CTXND1: variants seen among roughly 807,000 people sequenced by gnomAD.
CTXND1 encodes the protein cortexin domain-containing 1 protein.
At chr15:80,240,485 T>C (rs753785714) in intron 1 of CTXND1, among the ~76,000 whole-genome samples, 3 of 152,112 alleles carry the variant, frequency 2.0e-5, no homozygotes, top group Non-Finnish European at 4.4e-5. Context: ...CATGCTTGAC[T>C]TACTGTTGTG....
chr15:80,199,739 A>C lies in CTXND1; in HGVS notation c.*2031T>G, dbSNP rs1007455454. ...AGGGATGACAACTGGATAGCCCCTG[A>C]AATGCTGCCTGAAGAGCTGTGGCCT... On this transcript the variant is annotated 3_prime_UTR_variant, in exon 3 of 3. Transcript: ENST00000560778. 1.3e-5 allele frequency: 2 copies of C among 152,306 alleles called. No individual in the cohort carries two copies. Among genetic ancestry groups the C allele is most frequent in the Non-Finnish European group, 2.9e-5 (2 of 68,124 alleles). 9.4% of individuals were successfully genotyped at this position (152,306 alleles called of 1,614,324 possible). A position where few individuals can be genotyped will look rare whatever the true frequency, so the allele number is the denominator to read the frequency against.
intron 1 of CTXND1, among the ~76,000 whole-genome samples, chr15:80,222,693 T>C (rs1023718883): frequency 2.0e-5 from 3 of 152,216 alleles, no homozygotes; most frequent in Middle Eastern, 3.2e-3. Flanking sequence ...TTCTTGTTTT[T>C]CTTACAGTTT....
In CTXND1 at chr15:80,201,313, G is replaced by C. The variant is rs2041447754; in HGVS notation, c.*457C>G. The C allele has an allele frequency of 6.5e-6, 1 of 153,368 alleles. No individual in the cohort carries two copies. Among genetic ancestry groups the C allele is most frequent in the African/African-American group, 2.4e-5 (1 of 41,508 alleles). 9.5% of individuals were successfully genotyped at this position (153,368 alleles called of 1,614,324 possible). ...CCACACCACTGCTAGTCCATGGGGA[G>C]GGGGCTGGGGTTCAGGTGGGACCTC... On this transcript the variant is annotated 3_prime_UTR_variant, in exon 3 of 3. Coordinates refer to ENST00000560778, the MANE Select transcript of CTXND1 (RefSeq NM_001352888.2).
At chr15:80,245,755 G>T (rs370948398) in intron 1 of CTXND1, among the ~76,000 whole-genome samples, 1 of 152,048 alleles carries the variant, frequency 6.6e-6, no homozygotes, top group African/African-American at 2.4e-5. Flanking sequence ...CCCTCTCCCT[G>T]TGAAATGCCA....
intron 1 of CTXND1, among the ~76,000 whole-genome samples, chr15:80,248,063 T>C (rs774740204): frequency 6.6e-6 from 1 of 152,222 alleles, no homozygotes; most frequent in African/African-American, 2.4e-5. Flanking sequence ...CTACTCTCAA[T>C]GGAGAGGATG....
chr15:80,212,188 C>T (rs1307740936), intron 1 of CTXND1, among the ~76,000 whole-genome samples: 1 of 152,158 alleles, frequency 6.6e-6, no homozygotes, highest in East Asian at 1.9e-4. Context: ...AAATTGCACC[C>T]TTGCTGGGCT....
At chr15:80,208,788 A>G (rs1026417767) in intron 1 of CTXND1, among the ~76,000 whole-genome samples, 1 of 152,148 alleles carries the variant, frequency 6.6e-6, no homozygotes, top group Non-Finnish European at 1.5e-5. Flanking sequence ...ACTGAAGTGT[A>G]GGGGGAGGAG....
rs535590855 is a variant in CTXND1, at chr15:80,199,112, G to A, written c.*2658C>T. On this transcript the variant is annotated 3_prime_UTR_variant, in exon 3 of 3. Coordinates refer to ENST00000560778, the MANE Select transcript of CTXND1 (RefSeq NM_001352888.2). ...CCTTCCTGAAATGCTACTATTTCCT[G>A]TTGCCATCAAACAAGAGTCAAGAGA... The A allele has an allele frequency of 3.9e-5, 6 of 152,268 alleles. No homozygotes were observed. The highest frequency in any genetic ancestry group is 9.6e-5 in the African/African-American group (4 of 41,546). The allele number at this position is 152,268 out of a possible 1,614,324, so 9.4% of individuals were successfully genotyped here. A position where few individuals can be genotyped will look rare whatever the true frequency, so the allele number is the denominator to read the frequency against.
intron 1 of CTXND1, among the ~76,000 whole-genome samples, chr15:80,246,027 T>C (rs917648966): frequency 2.0e-5 from 3 of 152,242 alleles, no homozygotes; most frequent in Non-Finnish European, 2.9e-5. Flanking sequence ...TCTGAGATCA[T>C]AGGTAGTTTT....
intron 1 of CTXND1, among the ~76,000 whole-genome samples, chr15:80,228,973 A>G (rs1490903798): frequency 6.6e-6 from 1 of 152,176 alleles, no homozygotes; most frequent in Non-Finnish European, 1.5e-5. Flanking sequence ...CTCAAAGAAA[A>G]GGCTCATTGG....
At chr15:80,209,195 A>G (rs1167971736) in intron 1 of CTXND1, among the ~76,000 whole-genome samples, 1 of 152,220 alleles carries the variant, frequency 6.6e-6, no homozygotes, top group African/African-American at 2.4e-5. Context: ...GAATGCCAAG[A>G]ATGTGGACTC....
intron 1 of CTXND1, among the ~76,000 whole-genome samples, chr15:80,220,268 A>G (rs1311295792): frequency 6.6e-6 from 1 of 152,012 alleles, no homozygotes; most frequent in Non-Finnish European, 1.5e-5. Context: ...GGGGGTTTAT[A>G]TTTATGTCTC....
intron 1 of CTXND1, among the ~76,000 whole-genome samples, chr15:80,245,023 C>G (rs1163142606): frequency 1.3e-5 from 2 of 152,134 alleles, no homozygotes; most frequent in Non-Finnish European, 2.9e-5. Context: ...TTGGACTTCT[C>G]ATGGGTAAAA....
At chr15:80,208,209 G>C (rs894522769) in intron 1 of CTXND1, among the ~76,000 whole-genome samples, 1 of 152,200 alleles carries the variant, frequency 6.6e-6, no homozygotes, top group African/African-American at 2.4e-5. Context: ...AACAGCCATG[G>C]TATATCTGTG....
At chr15:80,247,665 A>C (rs1469253567) in intron 1 of CTXND1, among the ~76,000 whole-genome samples, 1 of 152,124 alleles carries the variant, frequency 6.6e-6, no homozygotes, top group Non-Finnish European at 1.5e-5. Flanking sequence ...AAATTTTAGG[A>C]GAGTTAGATT....
At position 80,245,344 on chromosome 15, in the gene CTXND1, C is replaced by T. The variant is rs535225593; in HGVS notation, c.-218+6663G>A. On this transcript the variant is annotated intron_variant, in intron 1 of 2. Transcript: ENST00000560778. The stretch of plus-strand genomic sequence containing the variant: ...AAACACTGTTCCCGAAGAGACAGTT[C>T]TGGTTCTTTATTCATAAATCACTAA... Among the ~76,000 whole-genome samples, 13 of 152,270 alleles carry T rather than the reference C, an allele frequency of 8.5e-5. No homozygotes were observed. In the East Asian group the frequency reaches 2.5e-3, roughly 29 times the overall value.
intron 1 of CTXND1, among the ~76,000 whole-genome samples, chr15:80,243,190 G>A (rs1893590048): frequency 6.6e-6 from 1 of 152,186 alleles, no homozygotes; most frequent in Non-Finnish European, 1.5e-5. Flanking sequence ...GAGTCTCAGG[G>A]TCTCCTACAG....
chr15:80,208,763 T>G (rs1893175709), intron 1 of CTXND1, among the ~76,000 whole-genome samples: 1 of 152,168 alleles, frequency 6.6e-6, no homozygotes, highest in South Asian at 2.1e-4. Context: ...CTCCCTCTAT[T>G]TCATAGATGA....
intron 1 of CTXND1, among the ~76,000 whole-genome samples, chr15:80,226,768 C>A (rs552548101): frequency 2.0e-5 from 3 of 152,182 alleles, no homozygotes; most frequent in Non-Finnish European, 4.4e-5. Flanking sequence ...TCAATCTGGC[C>A]CCATCTGCTT....
Sources: gnomAD v4.1 joint callset for allele counts (sites outside exome capture counted in the v4.1 genomes callset) on GRCh38, gnomAD v4.1.1 for gene constraint, MANE v1.5 for transcripts, NCBI Gene and HGNC (gene_info 2026-07-23, HGNC 2026-07-21) for gene names.